MLLT10: variants seen among roughly 807,000 people sequenced by gnomAD.
MLLT10 encodes MLLT10 histone lysine methyltransferase DOT1L cofactor, also known as protein AF-10.
In MLLT10, 30 loss-of-function variants were observed where a neutral mutation model predicts 129.1. The observed-to-expected ratio is 0.23, with a 90% CI of 0.17 to 0.32. The LOEUF (loss-of-function observed/expected upper bound fraction) is 0.32, where lower values mean the gene tolerates loss of function less well. Ranked by LOEUF, MLLT10 falls within the 10% of genes least tolerant of loss-of-function variation. The probability of loss-of-function intolerance (pLI) is 1.00; values close to 1 mark genes in which losing one functional copy is unlikely to be tolerated. For missense variants in MLLT10, 1,119 were observed against 1,268.3 expected (o/e 0.88, Z 1.79); for synonymous variants, 490 against 446.4 (o/e 1.10, Z -1.23).
intron 9 of MLLT10, among the ~76,000 whole-genome samples, chr10:21,660,871 C>CAAAAAAAAAA (rs770411226): frequency 1.2e-5 from 1 of 81,412 alleles, no homozygotes; most frequent in African/African-American, 5.4e-5. Context: ...AACTCTGTCT[C>CAAAAAAAAAA]AAAAAAAAAA....
chr10:21,537,056 G>C, intron 2 of MLLT10, among the ~76,000 whole-genome samples: 1 of 152,190 alleles, frequency 6.6e-6, no homozygotes, highest in East Asian at 1.9e-4. Context: ...CCAAACTGCT[G>C]GGATTACAGG....
intron 22 of MLLT10, 50 bp from the exon 23 acceptor site, chr10:21,741,889 T>TTA (rs759448341): frequency 6.4e-7 from 1 of 1,571,740 alleles, no homozygotes; most frequent in African/African-American, 1.4e-5. Flanking sequence ...TCGGAGAATA[T>TTA]TATCAAAAGT....
intron 3 of MLLT10, chr10:21,571,870 T>C (rs1455837739): frequency 6.6e-6 from 1 of 152,258 alleles, no homozygotes; most frequent in Non-Finnish European, 1.5e-5. Flanking sequence ...TTGTAAATAC[T>C]TTCCCCAAGT....
chr10:21,631,204 C>T lies in MLLT10; in HGVS notation c.699+13997C>T, dbSNP rs556030752. Among the ~76,000 whole-genome samples the T allele has an allele frequency of 2.6e-5, 4 of 151,010 alleles. No homozygotes were observed. In the East Asian group the frequency reaches 5.9e-4, roughly 22 times the overall value. On this transcript the variant is annotated intron_variant, in intron 8 of 22. Coordinates refer to ENST00000307729, the MANE Select transcript of MLLT10 (RefSeq NM_001195626.3). ...TGGCGGGCGCCTGTAGTCCCAGCTA[C>T]TCGGAAGGCTGAGGCAGGAGAATGG...
chr10:21,692,147 C>T lies in MLLT10; in HGVS notation c.1699+9890C>T, dbSNP rs1389102791. 2.0e-5 allele frequency among the ~76,000 whole-genome samples: 3 copies of T among 151,798 alleles called. No individual in the cohort carries two copies. In the East Asian group the frequency reaches 5.8e-4, roughly 29 times the overall value. ...TGAGATCACGCTACTGCACTCCAGC[C>T]TGGGTGACAGATGAGACCCTGTCTT... On this transcript the variant is annotated intron_variant, in intron 13 of 22. Coordinates refer to ENST00000307729, the MANE Select transcript of MLLT10 (RefSeq NM_001195626.3).
rs113790104 is a variant in MLLT10, at chr10:21,604,659, A to G, written c.406-7689A>G. On this transcript the variant is annotated intron_variant, in intron 5 of 22. Coordinates refer to ENST00000307729, the MANE Select transcript of MLLT10 (RefSeq NM_001195626.3). The stretch of plus-strand genomic sequence containing the variant: ...AACAAGTTATCTGTTTCTGAGATGC[A>G]ATGGTGGGACAGGTGAAGAAGCATT... 1.7e-3 allele frequency among the ~76,000 whole-genome samples: 254 copies of G among 152,302 alleles called. 1 individual carries two copies. Among genetic ancestry groups the G allele is most frequent in the African/African-American group, 5.7e-3 (237 of 41,574 alleles).
At chr10:21,734,937 G>A (rs1210678846) in intron 20 of MLLT10, among the ~76,000 whole-genome samples, 1 of 152,228 alleles carries the variant, frequency 6.6e-6, no homozygotes, top group East Asian at 1.9e-4. Flanking sequence ...TTGACAATGT[G>A]AATTCTTGTT....
At chr10:21,667,373 T>C (rs2050919371) in intron 9 of MLLT10, among the ~76,000 whole-genome samples, 2 of 151,470 alleles carry the variant, frequency 1.3e-5, no homozygotes, top group Admixed American at 1.3e-4. Flanking sequence ...GGGGGTTTTT[T>C]TTTTTTCATC....
chr10:21,704,684 T>C (rs2055327183), intron 13 of MLLT10, among the ~76,000 whole-genome samples: 1 of 151,636 alleles, frequency 6.6e-6, no homozygotes. Context: ...GATAATAGCT[T>C]CTCCCAATTT....
At chr10:21,706,618 T>G (rs1477923347) in intron 13 of MLLT10, among the ~76,000 whole-genome samples, 3 of 152,212 alleles carry the variant, frequency 2.0e-5, no homozygotes, top group Admixed American at 6.5e-5. Flanking sequence ...GTCTTTTTCC[T>G]GAATAAGCCA....
chr10:21,720,019 A>AT (rs1157216522), intron 14 of MLLT10, among the ~76,000 whole-genome samples: 1 of 152,142 alleles, frequency 6.6e-6, no homozygotes, highest in African/African-American at 2.4e-5. Flanking sequence ...TCCTACAGTA[A>AT]TTTTTTCCCA....
chr10:21,590,248 A>G (rs1490560060), intron 4 of MLLT10, among the ~76,000 whole-genome samples: 1 of 152,092 alleles, frequency 6.6e-6, no homozygotes, highest in Non-Finnish European at 1.5e-5. Context: ...ACCTATTTTT[A>G]TAAACTTAAG....
chr10:21,595,549 G>GA (rs1371316553), intron 5 of MLLT10, 109 bp downstream of exon 5: 19 of 777,772 alleles, frequency 2.4e-5, no homozygotes, highest in Admixed American at 3.0e-5. Context: ...GGGAGATTTG[G>GA]AAAAAAAATT....
intron 3 of MLLT10, among the ~76,000 whole-genome samples, chr10:21,547,796 C>T (rs1269454331): frequency 6.6e-6 from 1 of 152,092 alleles, no homozygotes; most frequent in African/African-American, 2.4e-5. Context: ...GCTTTGGCCT[C>T]CCAAAGTGCT....
intron 3 of MLLT10, among the ~76,000 whole-genome samples, chr10:21,584,029 C>A (rs2041737486): frequency 6.6e-6 from 1 of 151,906 alleles, no homozygotes; most frequent in Non-Finnish European, 1.5e-5. Flanking sequence ...GCCACCACGC[C>A]CGGCTAATTT....
At chr10:21,661,725 G>A (rs1317664137) in intron 9 of MLLT10, 1 of 152,080 alleles carries the variant, frequency 6.6e-6, no homozygotes, top group Admixed American at 6.5e-5. Context: ...TTGTATGTGT[G>A]CTGCCAAAGT....
chr10:21,731,077 G>T, intron 17 of MLLT10, 23 bp downstream of exon 17: 1 of 1,590,932 alleles, frequency 6.3e-7, no homozygotes, highest in Non-Finnish European at 8.5e-7. Flanking sequence ...TTTCTTATAT[G>T]TGAATCAAGA....
intron 17 of MLLT10, among the ~76,000 whole-genome samples, chr10:21,731,678 C>G (rs1445285595): frequency 6.6e-6 from 1 of 152,016 alleles, no homozygotes; most frequent in Non-Finnish European, 1.5e-5. Context: ...TTATGCTTAT[C>G]ATCTATTGGA....
chr10:21,741,167 CTT>C (rs1282771087), intron 22 of MLLT10, among the ~76,000 whole-genome samples: 7 of 152,336 alleles, frequency 4.6e-5, no homozygotes, highest in Middle Eastern at 3.4e-3. Flanking sequence ...TGTCTGCCCT[CTT>C]GTCTCGCCTA....
Sources: allele counts gnomAD v4.1 joint callset (sites outside exome capture counted in the v4.1 genomes callset), GRCh38; gene constraint gnomAD v4.1.1; transcripts MANE v1.5; gene names NCBI Gene and HGNC (gene_info 2026-07-23, HGNC 2026-07-21).